Variants in TFEC observed in about 807,000 individuals in gnomAD.
TFEC encodes the protein transcription factor EC.
Under a neutral mutation model 41.6 loss-of-function variants are expected in TFEC, and 31 were observed. That is an observed-to-expected ratio of 0.74 (90% CI 0.56 to 1.01). The LOEUF (loss-of-function observed/expected upper bound fraction) is 1.01. Ranked by LOEUF, TFEC falls within the 50% of genes least tolerant of loss-of-function variation. The pLI is 0.00. For synonymous variants in TFEC, 143 were observed against 140.6 expected (o/e 1.02, Z -0.12); for missense variants, 402 against 404.1 (o/e 0.99, Z 0.04).
At chr7:116,091,248 A>G (rs1344009298) in intron 3 of TFEC, among the ~76,000 whole-genome samples, 1 of 152,232 alleles carries the variant, frequency 6.6e-6, no homozygotes, top group Non-Finnish European at 1.5e-5. Context: ...TCAGAATTGT[A>G]TGAAGAACAT....
chr7:115,959,485 C>A (rs1290956828), intron 3 of TFEC, among the ~76,000 whole-genome samples: 1 of 151,714 alleles, frequency 6.6e-6, no homozygotes, highest in East Asian at 1.9e-4. Context: ...CTGCTATCTA[C>A]AGTAACTAAT....
intron 1 of TFEC, among the ~76,000 whole-genome samples, chr7:116,159,434 G>A (rs1221315161): frequency 2.0e-5 from 3 of 151,838 alleles, no homozygotes; most frequent in African/African-American, 4.8e-5. Context: ...CATAAAAGGA[G>A]AGAAACATAG....
intron 1 of TFEC, among the ~76,000 whole-genome samples, chr7:116,125,310 G>C (rs536321230): frequency 6.6e-6 from 1 of 152,178 alleles, no homozygotes; most frequent in Admixed American, 6.5e-5. Flanking sequence ...GCAAGGATGG[G>C]TGTGAGAACT....
At chr7:116,047,684 G>C (rs1796202786) in intron 3 of TFEC, among the ~76,000 whole-genome samples, 1 of 152,190 alleles carries the variant, frequency 6.6e-6, no homozygotes, top group Middle Eastern at 3.2e-3. Context: ...TGAGATCTGA[G>C]AACTGACAGA....
intron 3 of TFEC, among the ~76,000 whole-genome samples, chr7:116,051,699 T>C (rs576185558): frequency 6.6e-6 from 1 of 152,296 alleles, no homozygotes; most frequent in East Asian, 1.9e-4. Flanking sequence ...ATCTATTTCA[T>C]GGAGGAGGAG....
At chr7:116,139,999 T>C (rs1206889027) in intron 1 of TFEC, among the ~76,000 whole-genome samples, 1 of 152,156 alleles carries the variant, frequency 6.6e-6, no homozygotes, top group African/African-American at 2.4e-5. Context: ...GGGAGCACCA[T>C]AGTGTTTTAT....
chr7:116,101,155 G>A (rs1403597448), intron 3 of TFEC, among the ~76,000 whole-genome samples: 1 of 151,450 alleles, frequency 6.6e-6, no homozygotes, highest in African/African-American at 2.4e-5. Context: ...ACACTGATAT[G>A]AGACTCCCAA....
chr7:115,991,745 C>A (rs1212945921), intron 1 of TFEC, among the ~76,000 whole-genome samples: 2 of 152,082 alleles, frequency 1.3e-5, no homozygotes, highest in African/African-American at 4.8e-5. Context: ...TAGACTCCCA[C>A]ACAATAATAA....
At chr7:116,042,017 A>G (rs1232569170) in intron 3 of TFEC, among the ~76,000 whole-genome samples, 1 of 152,174 alleles carries the variant, frequency 6.6e-6, no homozygotes, top group African/African-American at 2.4e-5. Context: ...CAAGTGTGAC[A>G]GGGAAAAAAC....
chr7:116,139,146 T>C (rs1798490533), intron 1 of TFEC, among the ~76,000 whole-genome samples: 2 of 152,028 alleles, frequency 1.3e-5, no homozygotes, highest in Admixed American at 1.3e-4. Flanking sequence ...TGTCTCAAAA[T>C]GGAAGCACTC....
intron 3 of TFEC, among the ~76,000 whole-genome samples, chr7:116,095,415 T>A (rs1038862695): frequency 6.6e-6 from 1 of 152,024 alleles, no homozygotes; most frequent in African/African-American, 2.4e-5. Context: ...TGTGGACACA[T>A]ACACACATAC....
intron 2 of TFEC, among the ~76,000 whole-genome samples, chr7:115,979,807 A>C (rs1299674284): frequency 6.6e-6 from 1 of 152,150 alleles, no homozygotes; most frequent in Non-Finnish European, 1.5e-5. Context: ...TTTCGTATAC[A>C]ATATGACACT....
intron 1 of TFEC, among the ~76,000 whole-genome samples, chr7:116,007,118 G>A (rs767252831): frequency 1.7e-4 from 26 of 152,034 alleles, no homozygotes; most frequent in Admixed American, 3.9e-4. Context: ...ATGTATCTAC[G>A]GTTTTACCTT....
At chr7:115,978,898 G>T (rs1278702246) in intron 2 of TFEC, among the ~76,000 whole-genome samples, 1 of 152,002 alleles carries the variant, frequency 6.6e-6, no homozygotes, top group Non-Finnish European at 1.5e-5. Context: ...AGTATCTTTA[G>T]CTATCACTCT....
At chr7:116,139,847 C>A (rs541559338) in intron 1 of TFEC, among the ~76,000 whole-genome samples, 1 of 152,212 alleles carries the variant, frequency 6.6e-6, no homozygotes, top group South Asian at 2.1e-4. Context: ...CACAAATGAG[C>A]ATAGGATAAA....
chr7:116,016,310 T>G (rs1475995852), intron 1 of TFEC, among the ~76,000 whole-genome samples: 1 of 152,180 alleles, frequency 6.6e-6, no homozygotes, highest in African/African-American at 2.4e-5. Flanking sequence ...CTTTGTGAAC[T>G]GTCAGTGAGG....
At chr7:116,120,603 T>C (rs555168386) in intron 1 of TFEC, among the ~76,000 whole-genome samples, 92 of 152,128 alleles carry the variant, frequency 6.0e-4, no homozygotes, top group Non-Finnish European at 9.1e-4. Context: ...ATTTTCTCCA[T>C]AGGACTTATG....
At chr7:116,050,281 T>TA (rs1363014680) in intron 3 of TFEC, among the ~76,000 whole-genome samples, 3 of 151,788 alleles carry the variant, frequency 2.0e-5, no homozygotes, top group Admixed American at 1.3e-4. Context: ...ATAGATGCAA[T>TA]AAAAAATGAT....
chr7:116,017,561 T>A (rs921512743), intron 1 of TFEC, among the ~76,000 whole-genome samples: 1 of 152,100 alleles, frequency 6.6e-6, no homozygotes, highest in Non-Finnish European at 1.5e-5. Context: ...TTCCGTACCA[T>A]GACCTTCGTG....
Sources: allele counts gnomAD v4.1 joint callset (sites outside exome capture counted in the v4.1 genomes callset), GRCh38; gene constraint gnomAD v4.1.1; transcripts MANE v1.5; gene names NCBI Gene and HGNC (gene_info 2026-07-23, HGNC 2026-07-21).